The following GK5 variants were observed in gnomAD, a reference collection of about 807,000 sequenced individuals.
The protein encoded by GK5 is glycerol kinase 5.
GK5 carries 39 observed loss-of-function variants against 77.3 expected under a neutral mutation model. The ratio of observed to expected loss-of-function variants is 0.50; its 90% CI spans 0.39 to 0.66. GK5 has a LOEUF of 0.66. Ranked by LOEUF, GK5 falls within the 30% of genes least tolerant of loss-of-function variation. GK5 has a pLI of 0.00. For missense variants in GK5, 487 were observed against 633.8 expected (o/e 0.77, Z 2.49); for synonymous variants, 211 against 208.0 (o/e 1.01, Z -0.13).
intron 5 of GK5, among the ~76,000 whole-genome samples, chr3:142,195,175 A>AT (rs1453404793): frequency 6.6e-6 from 1 of 151,632 alleles, no homozygotes; most frequent in African/African-American, 2.4e-5. Context: ...TTAATTTTCT[A>AT]TTTTTTTACA....
intron 8 of GK5, 58 bp downstream of exon 8, chr3:142,186,136 A>C: frequency 2.4e-6 from 3 of 1,259,124 alleles, no homozygotes; most frequent in Non-Finnish European, 3.5e-6. Context: ...TTTCCCCACG[A>C]AACAAAATGA....
intron 15 of GK5, 22 bp from the exon 16 acceptor site, chr3:142,165,792 T>A (rs534162462): frequency 6.5e-7 from 1 of 1,538,834 alleles, no homozygotes; most frequent in Admixed American, 2.2e-5. Flanking sequence ...AAAATTATCC[T>A]CAAATTTTAA....
chr3:142,215,529 A>C, intron 2 of GK5, 70 bp downstream of exon 2: 1 of 766,624 alleles, frequency 1.3e-6, no homozygotes, highest in South Asian at 1.7e-5. Context: ...CCACAACTAC[A>C]GAAGCCTGAG....
At chr3:142,165,850 G>A (rs1345302951) in intron 15 of GK5, 80 bp from the exon 16 acceptor site, 1 of 896,262 alleles carries the variant, frequency 1.1e-6, no homozygotes, top group African/African-American at 1.7e-5. Flanking sequence ...TATACGAGTT[G>A]CTGGTAGAAA....
At chr3:142,179,642 TAAAG>T (rs1383544309) in intron 11 of GK5, among the ~76,000 whole-genome samples, 2 of 152,228 alleles carry the variant, frequency 1.3e-5, no homozygotes, top group East Asian at 1.9e-4. Flanking sequence ...TGGTAACAGA[TAAAG>T]AAACAGAAAA....
intron 12 of GK5, among the ~76,000 whole-genome samples, chr3:142,176,200 T>C (rs2063607661): frequency 6.6e-6 from 1 of 152,162 alleles, no homozygotes; most frequent in African/African-American, 2.4e-5. Flanking sequence ...ATGCTCATTT[T>C]AAAATCTAGT....
rs1027121761 is a variant in GK5 at position 142,158,688 on chromosome 3, A to G, written c.*6934T>C. 6.6e-6 allele frequency: 1 copy of G among 152,622 alleles called. No homozygotes were observed. The highest frequency in any genetic ancestry group is 1.5e-5 in the Non-Finnish European group (1 of 68,030). The allele number at this position is 152,622 out of a possible 1,614,324, so 9.5% of individuals were successfully genotyped here. A position where few individuals can be genotyped will look rare whatever the true frequency, so the allele number is the denominator to read the frequency against. On this transcript the variant is annotated 3_prime_UTR_variant, in exon 16 of 16. Coordinates refer to ENST00000392993, the MANE Select transcript of GK5 (RefSeq NM_001039547.3). ...CTGAGGCATACAAATTGGAATCTAC[A>G]TTTACCATCTTGTACAAATAGGAAA...
intron 1 of GK5, among the ~76,000 whole-genome samples, chr3:142,221,190 G>C (rs1009499676): frequency 4.5e-4 from 69 of 152,130 alleles, no homozygotes; most frequent in African/African-American, 1.6e-3. Context: ...TGTGGAAAAA[G>C]AATCTCTTAT....
Position 142,165,396 on chromosome 3 carries a change from T to A in GK5, c.*226A>T. The A allele has an allele frequency of 2.6e-6, 1 of 382,498 alleles. No homozygotes were observed. Among genetic ancestry groups the A allele is most frequent in the Non-Finnish European group, 4.6e-6 (1 of 217,638 alleles). The allele number at this position is 382,498 out of a possible 1,614,324, so 23.7% of individuals were successfully genotyped here. ...ATGTCCTTTGGAATTTGCTACAAAA[T>A]AGAAGATATAAAGTTTTGAGGTATT... On this transcript the variant is annotated 3_prime_UTR_variant, in exon 16 of 16. Transcript: ENST00000392993.
chr3:142,190,713 T>C (rs549782971), intron 5 of GK5, among the ~76,000 whole-genome samples: 36 of 152,248 alleles, frequency 2.4e-4, no homozygotes, highest in African/African-American at 7.7e-4. Context: ...GTACAAAGGA[T>C]AGCACCCCAA....
At chr3:142,191,169 A>G (rs936468537) in intron 5 of GK5, among the ~76,000 whole-genome samples, 8 of 151,904 alleles carry the variant, frequency 5.3e-5, no homozygotes, top group African/African-American at 1.9e-4. Context: ...CAGCCTCCCA[A>G]GTAGCTGGGA....
At position 142,162,272 on chromosome 3, in the gene GK5, G is replaced by A. The variant is rs1436347919; in HGVS notation, c.*3350C>T. ...GATTTTCTTCTAACAGCCTGTATCAGTGGCTCTCAACTGGGGGCAATTTTG... is the reference window on the plus strand; with the variant it reads ...GATTTTCTTCTAACAGCCTGTATCAATGGCTCTCAACTGGGGGCAATTTTG... On this transcript the variant is annotated 3_prime_UTR_variant, in exon 16 of 16. Coordinates refer to ENST00000392993, the MANE Select transcript of GK5 (RefSeq NM_001039547.3). The A allele has an allele frequency of 6.6e-6, 1 of 152,176 alleles. No individual in the cohort carries two copies. Among genetic ancestry groups the A allele is most frequent in the Non-Finnish European group, 1.5e-5 (1 of 68,040 alleles). 9.4% of individuals were successfully genotyped at this position (152,176 alleles called of 1,614,324 possible). A position where few individuals can be genotyped will look rare whatever the true frequency, so the allele number is the denominator to read the frequency against.
chr3:142,209,747 T>C (rs1403309761), intron 3 of GK5, among the ~76,000 whole-genome samples: 16 of 152,170 alleles, frequency 1.1e-4, no homozygotes, highest in Non-Finnish European at 2.1e-4. Flanking sequence ...GATTGTAAAT[T>C]AGGGCTGGTA....
intron 9 of GK5, chr3:142,185,138 C>G: frequency 3.4e-5 from 33 of 984,392 alleles, no homozygotes; most frequent in Non-Finnish European, 4.0e-5. Flanking sequence ...ACAGGCTTGG[C>G]ACAGTGACTC....
chr3:142,178,253 C>G (rs1459227281), intron 11 of GK5, among the ~76,000 whole-genome samples: 1 of 152,134 alleles, frequency 6.6e-6, no homozygotes, highest in Non-Finnish European at 1.5e-5. Context: ...TAAGAGCCAT[C>G]CTAGGTTTCT....
At chr3:142,200,935 A>T (rs1258444811) in intron 4 of GK5, among the ~76,000 whole-genome samples, 2 of 152,258 alleles carry the variant, frequency 1.3e-5, no homozygotes, top group Non-Finnish European at 2.9e-5. Flanking sequence ...AATAAATAAG[A>T]TGATTTAAGA....
intron 9 of GK5, among the ~76,000 whole-genome samples, chr3:142,184,013 C>T (rs1337634970): frequency 6.6e-6 from 1 of 151,664 alleles, no homozygotes; most frequent in Admixed American, 6.6e-5. Context: ...AATCCCAACA[C>T]TTTGGGAGGC....
intron 5 of GK5, among the ~76,000 whole-genome samples, chr3:142,196,856 C>A (rs1299099248): frequency 6.6e-6 from 1 of 152,162 alleles, no homozygotes; most frequent in Non-Finnish European, 1.5e-5. Context: ...AAATTTTCTA[C>A]TTCCTTGTTA....
Position 142,187,791 on chromosome 3 carries a change from A to G in GK5, c.544-12T>C, listed in dbSNP as rs775854121. ...ACTGCCTTTTGCACCTTGAAAACACAACAGCACAAAATCGATTCAAAAAGG... is the reference window on the plus strand; with the variant it reads ...ACTGCCTTTTGCACCTTGAAAACACGACAGCACAAAATCGATTCAAAAAGG... On this transcript the variant is annotated splice_polypyrimidine_tract_variant and intron_variant, in intron 5 of 15. Coordinates refer to ENST00000392993, the MANE Select transcript of GK5 (RefSeq NM_001039547.3). 6 of 1,606,266 alleles carry G rather than the reference A, an allele frequency of 3.7e-6. No homozygotes were observed. The highest frequency in any genetic ancestry group is 2.2e-5 in the East Asian group (1 of 44,834).
Sources: gnomAD v4.1 joint callset for allele counts (sites outside exome capture counted in the v4.1 genomes callset) on GRCh38, gnomAD v4.1.1 for gene constraint, MANE v1.5 for transcripts, NCBI Gene and HGNC (gene_info 2026-07-23, HGNC 2026-07-21) for gene names.